MRC1: variants seen among roughly 807,000 people sequenced by gnomAD.
The protein encoded by MRC1 is mannose receptor C-type 1, also known as macrophage mannose receptor 1.
A neutral mutation model predicts 102.9 loss-of-function variants in MRC1; 62 were observed. The ratio of observed to expected loss-of-function variants is 0.60; its 90% CI spans 0.49 to 0.74. MRC1 has a LOEUF of 0.74. Ranked by LOEUF, MRC1 falls within the 30% of genes least tolerant of loss-of-function variation. The pLI, the probability that MRC1 is intolerant of heterozygous loss-of-function variation, is 0.00. For synonymous variants in MRC1, 457 were observed against 298.4 expected (o/e 1.53, Z -5.48); for missense variants, 1,237 against 862.8 (o/e 1.43, Z -5.43).
At chr10:17,893,506 A>T (rs1348168802) in intron 22 of MRC1, among the ~76,000 whole-genome samples, 2 of 152,148 alleles carry the variant, frequency 1.3e-5, no homozygotes, top group African/African-American at 2.4e-5. Flanking sequence ...TAAAGTGTAG[A>T]TAGTACATTG....
At chr10:17,810,716 CT>C (rs1838208238) in intron 1 of MRC1, among the ~76,000 whole-genome samples, 1 of 151,972 alleles carries the variant, frequency 6.6e-6, no homozygotes, top group African/African-American at 2.4e-5. Context: ...TAGTAAGTGC[CT>C]TATAAGTGTT....
At chr10:17,819,863 T>G (rs1554838151) in intron 1 of MRC1, among the ~76,000 whole-genome samples, 1 of 152,172 alleles carries the variant, frequency 6.6e-6, no homozygotes, top group African/African-American at 2.4e-5. Flanking sequence ...CAGGATCGCT[T>G]GAGCCTAGGA....
At chr10:17,874,152 CT>C (rs1833393642) in intron 16 of MRC1, among the ~76,000 whole-genome samples, 1 of 152,228 alleles carries the variant, frequency 6.6e-6, no homozygotes, top group African/African-American at 2.4e-5. Context: ...CATGCAGTTA[CT>C]CCCTTACAGT....
At chr10:17,814,790 A>G (rs1361709190) in intron 1 of MRC1, among the ~76,000 whole-genome samples, 1 of 138,884 alleles carries the variant, frequency 7.2e-6, no homozygotes, top group Non-Finnish European at 1.5e-5. Flanking sequence ...GGTTCAAGTG[A>G]TTCTCCAGGG....
intron 2 of MRC1, among the ~76,000 whole-genome samples, chr10:17,823,903 T>C (rs954975564): frequency 7.2e-5 from 11 of 152,250 alleles, no homozygotes; most frequent in Non-Finnish European, 1.3e-4. Flanking sequence ...TCTTTCCCAA[T>C]TTAGATTGCC....
intron 1 of MRC1, 47 bp from the exon 2 acceptor site, chr10:17,823,027 C>G: frequency 1.3e-6 from 1 of 777,914 alleles, no homozygotes; most frequent in South Asian, 1.3e-5. Flanking sequence ...ATCCACTTAG[C>G]CATGCTTGCT....
intron 11 of MRC1, among the ~76,000 whole-genome samples, chr10:17,866,116 G>A (rs896496792): frequency 1.8e-3 from 268 of 152,298 alleles, no homozygotes; most frequent in Non-Finnish European, 2.7e-3. Context: ...AGTTCAGAGC[G>A]TTTGAGTAAC....
intron 2 of MRC1, among the ~76,000 whole-genome samples, chr10:17,824,432 C>G (rs1838443553): frequency 6.6e-6 from 1 of 152,156 alleles, no homozygotes; most frequent in African/African-American, 2.4e-5. Flanking sequence ...TTGGTTGAAC[C>G]TAGCTTATCT....
chr10:17,810,564 C>T (rs1480873440), intron 1 of MRC1, among the ~76,000 whole-genome samples: 1 of 152,138 alleles, frequency 6.6e-6, no homozygotes, highest in African/African-American at 2.4e-5. Flanking sequence ...AGCTTTGCGA[C>T]CTTGGGCAGG....
chr10:17,869,437 AT>A (rs1169048058), intron 12 of MRC1, among the ~76,000 whole-genome samples: 1 of 151,738 alleles, frequency 6.6e-6, no homozygotes, highest in Non-Finnish European at 1.5e-5. Flanking sequence ...TTGGAAGCAA[AT>A]TTTTTTTCCC....
chr10:17,910,168 C>A (rs1833949561), intron 29 of MRC1, 47 bp from the exon 30 acceptor site: 3 of 779,694 alleles, frequency 3.8e-6, no homozygotes, highest in Non-Finnish European at 7.2e-6. Context: ...AGCATGCAAC[C>A]CTCTGCCTCC....
chr10:17,897,714 A>C (rs1189837049), intron 23 of MRC1, among the ~76,000 whole-genome samples: 3 of 152,232 alleles, frequency 2.0e-5, no homozygotes, highest in African/African-American at 7.2e-5. Context: ...TTGTGGGATT[A>C]AACTACGGCA....
intron 12 of MRC1, among the ~76,000 whole-genome samples, chr10:17,867,374 C>A: frequency 7.1e-6 from 1 of 140,632 alleles, no homozygotes; most frequent in Non-Finnish European, 1.5e-5. Context: ...CCTTCTTCTT[C>A]TTCTTCTTCT....
chr10:17,848,159 G>C (rs1017443895), intron 6 of MRC1, among the ~76,000 whole-genome samples: 1 of 151,994 alleles, frequency 6.6e-6, no homozygotes, highest in East Asian at 1.9e-4. Context: ...GTGAAGAAAG[G>C]TACCCTATAA....
At chr10:17,816,288 C>T (rs1296587303) in intron 1 of MRC1, among the ~76,000 whole-genome samples, 11 of 152,298 alleles carry the variant, frequency 7.2e-5, no homozygotes, top group Admixed American at 7.2e-4. Context: ...TGTCCTCAGA[C>T]AATTGCACTC....
chr10:17,828,225 C>T (rs1190127667), intron 3 of MRC1, among the ~76,000 whole-genome samples: 4 of 151,992 alleles, frequency 2.6e-5, no homozygotes, highest in Non-Finnish European at 4.4e-5. Flanking sequence ...TACAGGCGCC[C>T]GCCACCACGC....
At chr10:17,840,393 G>C (rs1024254951) in intron 4 of MRC1, among the ~76,000 whole-genome samples, 5 of 152,292 alleles carry the variant, frequency 3.3e-5, no homozygotes, top group African/African-American at 1.2e-4. Flanking sequence ...CACTATCCTT[G>C]AGAAAGTAGA....
intron 28 of MRC1, 97 bp downstream of exon 28, chr10:17,907,795 C>T: frequency 1.3e-6 from 1 of 743,382 alleles, no homozygotes; most frequent in South Asian, 1.5e-5. Flanking sequence ...ATTACGAGGC[C>T]ATTGGAAGCT....
In MRC1 at chr10:17,870,773, G is replaced by A. The variant is rs1171823273; in HGVS notation, c.2112-75G>A. On this transcript the variant is annotated intron_variant, in intron 13 of 29. Transcript: ENST00000569591. ...TACGTTTTGGAGGTAACTTTCAAAT[G>A]TGGTTAGTCCTCATAAGTTACTGAA... 12 of 840,660 alleles carry A rather than the reference G, an allele frequency of 1.4e-5. No homozygotes were observed. In the South Asian group the frequency reaches 1.6e-4, roughly 11 times the overall value. The allele number at this position is 840,660 out of a possible 1,614,324, so 52.1% of individuals were successfully genotyped here. A position where few individuals can be genotyped will look rare whatever the true frequency, so the allele number is the denominator to read the frequency against.
Sources: allele counts gnomAD v4.1 joint callset (sites outside exome capture counted in the v4.1 genomes callset), GRCh38; gene constraint gnomAD v4.1.1; transcripts MANE v1.5; gene names NCBI Gene and HGNC (gene_info 2026-07-23, HGNC 2026-07-21).